The following CNOT2 variants were observed in gnomAD, a reference collection of about 807,000 sequenced individuals.
CNOT2 encodes the protein CCR4-NOT transcription complex subunit 2.
A neutral mutation model predicts 72.1 loss-of-function variants in CNOT2; 7 were observed. The ratio of observed to expected loss-of-function variants is 0.10; its 90% CI spans 0.06 to 0.18. CNOT2 has a LOEUF of 0.18. Among genes scored for constraint, CNOT2 ranks in the 10% least tolerant of loss-of-function variants. The probability of loss-of-function intolerance (pLI) is 1.00; values close to 1 mark genes in which losing one functional copy is unlikely to be tolerated. For missense variants in CNOT2, 345 were observed against 660.3 expected (o/e 0.52, Z 5.23); for synonymous variants, 196 against 225.6 (o/e 0.87, Z 1.17).
intron 2 of CNOT2, among the ~76,000 whole-genome samples, chr12:70,284,020 C>G (rs1008826452): frequency 6.7e-6 from 1 of 149,256 alleles, no homozygotes; most frequent in Non-Finnish European, 1.5e-5. Flanking sequence ...GTGCTCACCA[C>G]AACCTCTGTC....
chr12:70,296,764 C>G (rs900136701), intron 2 of CNOT2, among the ~76,000 whole-genome samples: 7 of 148,552 alleles, frequency 4.7e-5, no homozygotes, highest in African/African-American at 9.8e-5. Flanking sequence ...TAAGCCCCCC[C>G]CCCTTTTTAA....
chr12:70,307,740 A>G (rs750183556), intron 2 of CNOT2: 13 of 152,070 alleles, frequency 8.5e-5, no homozygotes, highest in Non-Finnish European at 1.9e-4. Flanking sequence ...TCATCCATCC[A>G]TCCATTCCTA....
intron 1 of CNOT2, among the ~76,000 whole-genome samples, chr12:70,259,332 A>G (rs1272040338): frequency 2.6e-5 from 4 of 151,936 alleles, no homozygotes; most frequent in South Asian, 2.1e-4. Context: ...TTTAATATCC[A>G]TAGGAACTAA....
rs79575270 is a variant in CNOT2 at position 70,265,055 on chromosome 12, A to T, written c.-95-13077A>T. Among the ~76,000 whole-genome samples the T allele has an allele frequency of 3.4e-4, 51 of 150,908 alleles. 1 individual carries two copies. In the East Asian group the frequency reaches 9.6e-3, roughly 28 times the overall value. ...TTGATTTGCTAATATTTTGTTGAGA[A>T]TTTTTGCCTTTATATTTATGAGGAA... On this transcript the variant is annotated intron_variant, in intron 1 of 15. Coordinates refer to ENST00000229195, the MANE Select transcript of CNOT2 (RefSeq NM_014515.7).
rs189356828 is a variant in CNOT2, at chr12:70,310,850, A to G, written c.49-45A>G. 61 of 1,580,818 alleles carry G rather than the reference A, an allele frequency of 3.9e-5. No homozygotes were observed. In the African/African-American group the frequency reaches 3.9e-4, roughly 10 times the overall value. On this transcript the variant is annotated intron_variant, in intron 2 of 15. Coordinates refer to ENST00000229195, the MANE Select transcript of CNOT2 (RefSeq NM_014515.7). ...ACATAGGAGTAAGGTAACACTGAAC[A>G]TTTTCCAAAGTATTACCCCTGATAA...
chr12:70,349,096 C>T (rs1882557267), intron 15 of CNOT2, among the ~76,000 whole-genome samples: 2 of 152,136 alleles, frequency 1.3e-5, no homozygotes, highest in African/African-American at 4.8e-5. Flanking sequence ...TATTAATGAG[C>T]AGCTCACTCT....
chr12:70,259,057 G>C (rs1040935404), intron 1 of CNOT2, among the ~76,000 whole-genome samples: 8 of 152,156 alleles, frequency 5.3e-5, no homozygotes, highest in Admixed American at 2.6e-4. Flanking sequence ...GTTGTTACAC[G>C]AGGTTAGCTG....
At position 70,354,309 on chromosome 12, in the gene CNOT2, A is replaced by G. The variant is rs980012329; in HGVS notation, c.*394A>G. 3 of 177,690 alleles carry G rather than the reference A, an allele frequency of 1.7e-5. No individual in the cohort carries two copies. Among genetic ancestry groups the G allele is most frequent in the African/African-American group, 4.7e-5 (2 of 42,544 alleles). The allele number at this position is 177,690 out of a possible 1,614,324, so 11.0% of individuals were successfully genotyped here. A position where few individuals can be genotyped will look rare whatever the true frequency, so the allele number is the denominator to read the frequency against. Reference sequence around the variant, plus strand: ...CCACAAATTTTGCATTGTTCATTGTAGCACTATTGGTAATAAAATAACAAA... The same window carrying G: ...CCACAAATTTTGCATTGTTCATTGTGGCACTATTGGTAATAAAATAACAAA... On this transcript the variant is annotated 3_prime_UTR_variant, in exon 16 of 16. Coordinates refer to ENST00000229195, the MANE Select transcript of CNOT2 (RefSeq NM_014515.7).
At chr12:70,255,692 C>A (rs942245171) in intron 1 of CNOT2, among the ~76,000 whole-genome samples, 17 of 152,078 alleles carry the variant, frequency 1.1e-4, no homozygotes, top group Non-Finnish European at 2.4e-4. Context: ...AAGGCACTTA[C>A]AAGCAAAATA....
At position 70,354,017 on chromosome 12, in the gene CNOT2, T is replaced by G. The variant is rs1054249292; in HGVS notation, c.*102T>G. 4 of 1,466,392 alleles carry G rather than the reference T, an allele frequency of 2.7e-6. No individual in the cohort carries two copies. In the East Asian group the frequency reaches 7.5e-5, roughly 27 times the overall value. The allele number at this position is 1,466,392 out of a possible 1,614,324, so 90.8% of individuals were successfully genotyped here. On this transcript the variant is annotated 3_prime_UTR_variant, in exon 16 of 16. Transcript: ENST00000229195. ...CAGAACTGATGTGGCTCAGGCACCC[T>G]GGTTTTAATTCCTTGAGGATCTGGC...
At chr12:70,282,414 T>C (rs142171869) in intron 2 of CNOT2, among the ~76,000 whole-genome samples, 30 of 152,312 alleles carry the variant, frequency 2.0e-4, no homozygotes, top group African/African-American at 6.7e-4. Context: ...ATGATTGTAT[T>C]GCCATTTTCT....
chr12:70,304,305 G>T (rs1313680818), intron 2 of CNOT2, among the ~76,000 whole-genome samples: 1 of 151,160 alleles, frequency 6.6e-6, no homozygotes, highest in East Asian at 1.9e-4. Flanking sequence ...CAGTTTTTCT[G>T]CTCTGTTTTT....
intron 1 of CNOT2, among the ~76,000 whole-genome samples, chr12:70,273,352 A>G (rs1347130526): frequency 6.6e-6 from 1 of 152,128 alleles, no homozygotes; most frequent in African/African-American, 2.4e-5. Context: ...ACAGTTGATT[A>G]CATTCTTCCT....
chr12:70,323,961 A>T (rs998799908), intron 4 of CNOT2: 1 of 151,786 alleles, frequency 6.6e-6, no homozygotes, highest in Non-Finnish European at 1.5e-5. Context: ...ACTGTGTATC[A>T]GATGCGATTT....
In CNOT2 at chr12:70,295,860, A is replaced by G. The variant is rs1195514889; in HGVS notation, c.49-15035A>G. On this transcript the variant is annotated intron_variant, in intron 2 of 15. Coordinates refer to ENST00000229195, the MANE Select transcript of CNOT2 (RefSeq NM_014515.7). ...GTTCAAATGTGAATCTATATAAAGC[A>G]TATTGGTGCAGCACATTTTAAGATT... Among the ~76,000 whole-genome samples the G allele has an allele frequency of 2.6e-5, 4 of 152,310 alleles. No homozygotes were observed. In the South Asian group the frequency reaches 6.2e-4, roughly 24 times the overall value.
chr12:70,290,233 T>G (rs961992087), intron 2 of CNOT2, among the ~76,000 whole-genome samples: 12 of 152,020 alleles, frequency 7.9e-5, no homozygotes, highest in African/African-American at 2.9e-4. Flanking sequence ...GGCCTTTTTT[T>G]TTTGTTTTTT....
intron 6 of CNOT2, chr12:70,332,285 G>T (rs529774082): frequency 1.3e-5 from 2 of 151,972 alleles, no homozygotes; most frequent in South Asian, 2.1e-4. Flanking sequence ...ATAAACTCCT[G>T]TGTCCATGAG....
chr12:70,320,699 T>C (rs1050529230), intron 4 of CNOT2, among the ~76,000 whole-genome samples: 1 of 151,786 alleles, frequency 6.6e-6, no homozygotes, highest in Non-Finnish European at 1.5e-5. Context: ...AGCTACCTTT[T>C]ATTTCTTCAG....
intron 3 of CNOT2, 189 bp from the exon 4 acceptor site, chr12:70,319,109 G>C (rs1479543894): frequency 2.3e-6 from 1 of 430,720 alleles, no homozygotes; most frequent in Non-Finnish European, 4.0e-6. Context: ...CTACAGTTTG[G>C]TTTTATCGAA....
Sources: allele counts gnomAD v4.1 joint callset (sites outside exome capture counted in the v4.1 genomes callset), GRCh38; gene constraint gnomAD v4.1.1; transcripts MANE v1.5; gene names NCBI Gene and HGNC (gene_info 2026-07-23, HGNC 2026-07-21).